FNBP4: variants seen among roughly 807,000 people sequenced by gnomAD.
FNBP4 encodes the protein formin-binding protein 4.
A neutral mutation model predicts 119.3 loss-of-function variants in FNBP4; 34 were observed. That is an observed-to-expected ratio of 0.28 (90% CI 0.22 to 0.38). FNBP4 has a LOEUF of 0.38. Among genes scored for constraint, FNBP4 ranks in the 10% least tolerant of loss-of-function variants. FNBP4 has a pLI of 1.00. For missense variants in FNBP4, 1,112 were observed against 1,228.9 expected, an observed-to-expected ratio of 0.90 and a Z score of 1.42; for synonymous variants, 462 against 430.6, an observed-to-expected ratio of 1.07 and a Z score of -0.90.
rs530170816 is a variant in FNBP4, at chr11:47,729,060, C to T, written c.2008+2314G>A. 2.5e-4 allele frequency: 146 copies of T among 576,156 alleles called. No individual in the cohort carries two copies. In the African/African-American group the frequency reaches 2.9e-3, roughly 11 times the overall value. 35.7% of individuals were successfully genotyped at this position (576,156 alleles called of 1,614,324 possible). ...AGAGGCAGGGTTTCACCATGTTGCC[C>T]AGGCTGGTCTTGAACTCTTGACCTC... On this transcript the variant is annotated intron_variant, in intron 12 of 16. Coordinates refer to ENST00000263773, the MANE Select transcript of FNBP4 (RefSeq NM_015308.5).
intron 8 of FNBP4, among the ~76,000 whole-genome samples, chr11:47,742,718 T>C (rs2135176438): frequency 6.6e-6 from 1 of 150,422 alleles, no homozygotes; most frequent in South Asian, 2.1e-4. Flanking sequence ...TGAAACCCCA[T>C]CTCTACTGAA....
At chr11:47,741,042 C>T (rs1377772478) in intron 8 of FNBP4, among the ~76,000 whole-genome samples, 1 of 145,882 alleles carries the variant, frequency 6.9e-6, no homozygotes, top group East Asian at 2.0e-4. Flanking sequence ...GCCTATTTTG[C>T]AGTTTTGGTA....
chr11:47,728,496 T>C (rs1358581272), intron 12 of FNBP4, among the ~76,000 whole-genome samples: 2 of 151,352 alleles, frequency 1.3e-5, no homozygotes, highest in South Asian at 2.1e-4. Flanking sequence ...CTGCGCGCCT[T>C]GGCCTCCCAA....
At chr11:47,746,419 C>T (rs780234851) in intron 6 of FNBP4, 25 bp from the exon 7 acceptor site, 4 of 1,542,798 alleles carry the variant, frequency 2.6e-6, no homozygotes, top group East Asian at 2.2e-5. Context: ...ATAATTTAGT[C>T]TCATTTAATT....
Position 47,767,196 on chromosome 11 carries a change from C to T in FNBP4, c.93G>A (p.Pro31=). ...CCGGCTCAGTGTCGGGTTCCGGCTC[C>T]GGGTCCCGGCCCGGCGTGCTGCCCC... ...GPRGSTPGRD[P]EPEPDTEPDS... is the part of the protein sequence containing the mutation. The change falls in exon 1 of 17, where the codon CCG becomes CCA. Residue 31 remains proline, a synonymous_variant. Transcript: ENST00000263773. 5.8e-6 allele frequency: 9 copies of T among 1,562,210 alleles called. No individual in the cohort carries two copies. Among genetic ancestry groups the T allele is most frequent in the Admixed American group, 1.9e-5 (1 of 53,442 alleles).
intron 12 of FNBP4, chr11:47,729,118 T>C (rs996481352): frequency 5.4e-5 from 52 of 971,920 alleles, no homozygotes; most frequent in East Asian, 1.1e-4. Flanking sequence ...CCCCAAAGTA[T>C]TGGGATTACA....
At chr11:47,737,804 T>C (rs1488069587) in intron 8 of FNBP4, among the ~76,000 whole-genome samples, 1 of 151,950 alleles carries the variant, frequency 6.6e-6, no homozygotes, top group Non-Finnish European at 1.5e-5. Flanking sequence ...TGGAGTACAG[T>C]GGCGTGATCT....
At chr11:47,766,772 A>G (rs75727353) in intron 1 of FNBP4, among the ~76,000 whole-genome samples, 18,417 of 152,136 alleles carry the variant, frequency 0.12, 1,237 homozygotes, top group Non-Finnish European at 0.15. Context: ...GTTACCCAAA[A>G]CCGACCCGGG....
Position 47,722,114 on chromosome 11 carries a change from G to A in FNBP4, c.2805+862C>T, listed in dbSNP as rs376183621. Among the ~76,000 whole-genome samples, 15 of 139,218 alleles carry A rather than the reference G, an allele frequency of 1.1e-4. No homozygotes were observed. In the East Asian group the frequency reaches 3.1e-3, roughly 29 times the overall value. The allele number at this position is 139,218 out of a possible 152,430, so 91.3% of individuals were successfully genotyped here. A position where few individuals can be genotyped will look rare whatever the true frequency, so the allele number is the denominator to read the frequency against. On this transcript the variant is annotated intron_variant, in intron 15 of 16. Coordinates refer to ENST00000263773, the MANE Select transcript of FNBP4 (RefSeq NM_015308.5). ...CTTATCTACTCCCAAGCCACCCCCT[G>A]CCAGAAGAAAGGTTCTACAAAAGCA...
In FNBP4 at chr11:47,716,692, A is replaced by G. The variant is rs2097550230; in HGVS notation, c.*730T>C. 6.6e-6 allele frequency: 1 copy of G among 152,636 alleles called. No individual in the cohort carries two copies. The highest frequency in any genetic ancestry group is 2.4e-5 in the African/African-American group (1 of 41,460). The allele number at this position is 152,636 out of a possible 1,614,324, so 9.5% of individuals were successfully genotyped here. A position where few individuals can be genotyped will look rare whatever the true frequency, so the allele number is the denominator to read the frequency against. On this transcript the variant is annotated 3_prime_UTR_variant, in exon 17 of 17. Coordinates refer to ENST00000263773, the MANE Select transcript of FNBP4 (RefSeq NM_015308.5). ...CAGTAAACTGCTTTTTAAATACTGG[A>G]ATTTTATGGAGAATACATTCACATA...
Position 47,717,071 on chromosome 11 carries a change from G to A in FNBP4, c.*351C>T, listed in dbSNP as rs928873852. The A allele has an allele frequency of 5.8e-6, 1 of 170,982 alleles. No individual in the cohort carries two copies. The highest frequency in any genetic ancestry group is 1.2e-5 in the Non-Finnish European group (1 of 80,128). 10.6% of individuals were successfully genotyped at this position (170,982 alleles called of 1,614,324 possible). Reference sequence around the variant, plus strand: ...CTGCCTTCTGAATTGCACTTGTTCTGGAGGAGAAGTTAATTCTTCACTTTT... The same window carrying A: ...CTGCCTTCTGAATTGCACTTGTTCTAGAGGAGAAGTTAATTCTTCACTTTT... On this transcript the variant is annotated 3_prime_UTR_variant, in exon 17 of 17. Coordinates refer to ENST00000263773, the MANE Select transcript of FNBP4 (RefSeq NM_015308.5).
rs545737640 is a variant in FNBP4, at chr11:47,767,310, A to T, written c.-22T>A. On this transcript the variant is annotated 5_prime_UTR_variant, in exon 1 of 17. Coordinates refer to ENST00000263773, the MANE Select transcript of FNBP4 (RefSeq NM_015308.5). ...CCATCGCGAGCCCAAGCGCGAGCAG[A>T]GAGCGTCGGGCGGCCGAGAGGGGCG... 5.4e-6 allele frequency: 8 copies of T among 1,470,140 alleles called. No homozygotes were observed. Among genetic ancestry groups the T allele is most frequent in the African/African-American group, 4.3e-5 (3 of 69,040 alleles). 91.1% of individuals were successfully genotyped at this position (1,470,140 alleles called of 1,614,324 possible).
intron 12 of FNBP4, chr11:47,725,913 AC>A: frequency 2.2e-6 from 1 of 444,964 alleles, no homozygotes; most frequent in Non-Finnish European, 3.0e-6. Context: ...AGGTAATGAA[AC>A]CCAGGCAGGA....
chr11:47,730,946 G>T (rs2097566663), intron 12 of FNBP4, among the ~76,000 whole-genome samples: 1 of 152,110 alleles, frequency 6.6e-6, no homozygotes, highest in East Asian at 1.9e-4. Flanking sequence ...CACGCTTTTT[G>T]TAAGATTAGT....
rs2097553321 is a variant in FNBP4 at position 47,719,588 on chromosome 11, GTGTGTGT to G, written c.2963+334_2963+340del. Among the ~76,000 whole-genome samples the G allele has an allele frequency of 3.5e-5, 4 of 113,198 alleles. No homozygotes were observed. In the South Asian group the frequency reaches 9.6e-4, roughly 27 times the overall value. 74.3% of individuals were successfully genotyped at this position (113,198 alleles called of 152,430 possible). ...ATGTTATGTGTGTATGTGTGTGTGT[GTGTGTGT>G]GTGTGTGTGTGTGTGTGTGTATAAA... On this transcript the variant is annotated intron_variant, in intron 16 of 16. Transcript: ENST00000263773.
intron 2 of FNBP4, among the ~76,000 whole-genome samples, chr11:47,762,425 C>T (rs1267885644): frequency 6.6e-6 from 1 of 152,054 alleles, no homozygotes; most frequent in African/African-American, 2.4e-5. Flanking sequence ...CCGTGCCCCG[C>T]CTATTTTTTT....
Position 47,744,276 on chromosome 11 carries a change from C to T in FNBP4, c.1246-113G>A. ...ATTTAAATTCTTTGAGAACAGAAAG[C>T]ACTTTTTTTTTTTTGGAGACAGGCT... On this transcript the variant is annotated intron_variant, in intron 7 of 16. Coordinates refer to ENST00000263773, the MANE Select transcript of FNBP4 (RefSeq NM_015308.5). The T allele has an allele frequency of 3.8e-6, 4 of 1,044,486 alleles. No individual in the cohort carries two copies. The Admixed American group carries it at 7.5e-5, about 20-fold the overall frequency. 64.7% of individuals were successfully genotyped at this position (1,044,486 alleles called of 1,614,324 possible).
intron 3 of FNBP4, among the ~76,000 whole-genome samples, chr11:47,753,588 G>A (rs574608753): frequency 1.3e-4 from 19 of 151,960 alleles, no homozygotes; most frequent in Admixed American, 1.2e-3. Flanking sequence ...TCCAACCTGG[G>A]TGAAAGAGCA....
intron 8 of FNBP4, among the ~76,000 whole-genome samples, chr11:47,740,169 C>T (rs1175435492): frequency 6.6e-6 from 1 of 151,836 alleles, no homozygotes; most frequent in Non-Finnish European, 1.5e-5. Context: ...AATCCAAGCA[C>T]TTTGGGAGGC....
Sources: gnomAD v4.1 joint callset for allele counts (sites outside exome capture counted in the v4.1 genomes callset) on GRCh38, gnomAD v4.1.1 for gene constraint, MANE v1.5 for transcripts, NCBI Gene and HGNC (gene_info 2026-07-23, HGNC 2026-07-21) for gene names.